The following TLL2 variants were observed in gnomAD, a reference collection of about 807,000 sequenced individuals.
TLL2 encodes the protein tolloid-like protein 2.
A neutral mutation model predicts 123.0 loss-of-function variants in TLL2; 106 were observed. The observed-to-expected ratio is 0.86, with a 90% CI of 0.74 to 1.01. The LOEUF (loss-of-function observed/expected upper bound fraction) is 1.01. Among genes scored for constraint, TLL2 ranks in the 50% least tolerant of loss-of-function variants. The probability of loss-of-function intolerance (pLI) is 0.00; values close to 1 mark genes in which losing one functional copy is unlikely to be tolerated. For missense variants in TLL2, 1,332 were observed against 1,336.7 expected (o/e 1.00, Z 0.06); for synonymous variants, 494 against 516.8 (o/e 0.96, Z 0.60).
intron 8 of TLL2, among the ~76,000 whole-genome samples, chr10:96,410,897 T>C (rs1184959159): frequency 6.6e-6 from 1 of 152,162 alleles, no homozygotes; most frequent in Non-Finnish European, 1.5e-5. Context: ...GCTTCATATA[T>C]AATGCCATTA....
At chr10:96,396,166 C>G (rs1282379376) in intron 11 of TLL2, 146 bp from the exon 12 acceptor site, 2 of 913,132 alleles carry the variant, frequency 2.2e-6, no homozygotes, top group Non-Finnish European at 3.2e-6. Flanking sequence ...CCACAAACAC[C>G]GCGCCTCCAG....
Position 96,410,315 on chromosome 10 carries a change from C to T in TLL2, c.1164+44G>A, listed in dbSNP as rs201148551. The stretch of plus-strand genomic sequence containing the variant: ...TAAGAACTCCTCCCACCTCACCCAA[C>T]TCAAGGAGTGCCGTCCCATTTGCCA... On this transcript the variant is annotated intron_variant, in intron 9 of 20. Transcript: ENST00000357947. 9.3e-5 allele frequency: 137 copies of T among 1,479,302 alleles called. 1 individual carries two copies. The East Asian group carries it at 2.9e-3, about 31-fold the overall frequency. The allele number at this position is 1,479,302 out of a possible 1,614,324, so 91.6% of individuals were successfully genotyped here. A position where few individuals can be genotyped will look rare whatever the true frequency, so the allele number is the denominator to read the frequency against.
At chr10:96,448,787 G>A (rs1316860) in intron 2 of TLL2, among the ~76,000 whole-genome samples, 51,077 of 151,868 alleles carry the variant, frequency 0.34, 9,005 homozygotes, top group East Asian at 0.63. Context: ...AGGTGGGTAC[G>A]ACTGGAATGG....
intron 16 of TLL2, among the ~76,000 whole-genome samples, chr10:96,379,411 A>G (rs1846166416): frequency 6.6e-6 from 1 of 152,228 alleles, no homozygotes; most frequent in South Asian, 2.1e-4. Flanking sequence ...AATAACAGTA[A>G]TTCCCACTTA....
Position 96,395,958 on chromosome 10 carries a change from C to T in TLL2, c.1447G>A (p.Asp483Asn), listed in dbSNP as rs1846335648. 2 of 1,614,214 alleles carry T rather than the reference C, an allele frequency of 1.2e-6. No individual in the cohort carries two copies. Among genetic ancestry groups the T allele is most frequent in the African/African-American group, 1.3e-5 (1 of 75,052 alleles). The change falls in exon 12 of 21, where the codon GAC (aspartate) becomes AAC (asparagine). Residue 483 changes from aspartate (D) to asparagine (N), a missense_variant. Asp to Asn is a conservative substitution (Grantham distance 23). Coordinates refer to ENST00000357947, the MANE Select transcript of TLL2 (RefSeq NM_012465.4). ...GQIQSPNYPD[D>N]YRPSKECVWR... ...ACACATTCCTTGGAAGGTCTGTAGT[C>T]ATCCGGATAGTTGGGAGATTGAATC...
intron 19 of TLL2, 110 bp from the exon 20 acceptor site, chr10:96,370,425 G>A: frequency 1.4e-6 from 2 of 1,399,760 alleles, no homozygotes; most frequent in Middle Eastern, 1.9e-4. Context: ...GGCAGGAGAG[G>A]CCAGGTAGTC....
At chr10:96,429,765 T>C (rs1846718947) in intron 4 of TLL2, among the ~76,000 whole-genome samples, 1 of 152,208 alleles carries the variant, frequency 6.6e-6, no homozygotes, top group South Asian at 2.1e-4. Context: ...TTTCAGTGTC[T>C]TGTGGGGAAT....
At chr10:96,372,623 C>T (rs1041183966) in intron 19 of TLL2, among the ~76,000 whole-genome samples, 15 of 152,282 alleles carry the variant, frequency 9.9e-5, no homozygotes, top group South Asian at 2.1e-4. Context: ...GAAAAAATCA[C>T]GGGGAACAGA....
chr10:96,454,484 C>T (rs1481810181), intron 2 of TLL2, among the ~76,000 whole-genome samples: 1 of 152,216 alleles, frequency 6.6e-6, no homozygotes, highest in Non-Finnish European at 1.5e-5. Context: ...TCCCTGTTCT[C>T]TGGTTGTTGG....
chr10:96,370,330 A>ATTCT lies in TLL2; in HGVS notation c.2663-16_2663-15insAGAA, dbSNP rs781029424. The ATTCT allele has an allele frequency of 1.1e-5, 17 of 1,548,482 alleles. No individual in the cohort carries two copies. The East Asian group carries it at 3.9e-4, about 36-fold the overall frequency. ...GCCCCCGCACTCTGGAGCAGAGAGA[A>ATTCT]GTGAGATGTCCCCTCAGCACAAGAC... is the stretch of plus-strand genomic sequence containing the variant. On this transcript the variant is annotated splice_polypyrimidine_tract_variant and intron_variant, in intron 19 of 20. Coordinates refer to ENST00000357947, the MANE Select transcript of TLL2 (RefSeq NM_012465.4).
chr10:96,481,243 C>T (rs754104338), intron 1 of TLL2, among the ~76,000 whole-genome samples: 1 of 152,080 alleles, frequency 6.6e-6, no homozygotes, highest in Admixed American at 6.5e-5. Context: ...AAAGCCTGGG[C>T]TCAAGCAATC....
At chr10:96,415,739 G>GTCTCTCTCTCTCTC (rs142401265) in intron 7 of TLL2, among the ~76,000 whole-genome samples, 2 of 28,066 alleles carry the variant, frequency 7.1e-5, no homozygotes, top group East Asian at 1.1e-3. Context: ...GTCTCTCTCT[G>GTCTCTCTCTCTCTC]TCTCTCTCTC....
intron 9 of TLL2, among the ~76,000 whole-genome samples, chr10:96,407,303 A>G (rs1846460616): frequency 6.6e-6 from 1 of 152,038 alleles, no homozygotes. Flanking sequence ...GATTGCCCTG[A>G]TGAACACGAT....
chr10:96,424,069 C>A (rs914146724), intron 5 of TLL2, among the ~76,000 whole-genome samples: 2 of 152,112 alleles, frequency 1.3e-5, no homozygotes, highest in African/African-American at 4.8e-5. Flanking sequence ...AGACAAACAT[C>A]ATATGTTCTC....
At chr10:96,388,774 C>G (rs2134059460) in intron 13 of TLL2, among the ~76,000 whole-genome samples, 1 of 152,294 alleles carries the variant, frequency 6.6e-6, no homozygotes, top group South Asian at 2.1e-4. Flanking sequence ...TGCACAGACT[C>G]CTCATCAACC....
At chr10:96,397,052 G>GC in intron 11 of TLL2, 134 bp downstream of exon 11, 1 of 693,504 alleles carries the variant, frequency 1.4e-6, no homozygotes, top group South Asian at 2.1e-5. Context: ...TCCTCAGCTT[G>GC]CCCCCTGTGG....
intron 1 of TLL2, among the ~76,000 whole-genome samples, chr10:96,496,760 C>T (rs963662729): frequency 6.6e-6 from 1 of 152,178 alleles, no homozygotes. Flanking sequence ...TTGGGCAGGC[C>T]GGCCATATCT....
At chr10:96,441,174 T>A (rs1846847804) in intron 3 of TLL2, among the ~76,000 whole-genome samples, 1 of 152,216 alleles carries the variant, frequency 6.6e-6, no homozygotes. Context: ...GAACCAGGCC[T>A]GAGGCAGCCT....
intron 2 of TLL2, among the ~76,000 whole-genome samples, chr10:96,478,015 G>C (rs1471158639): frequency 3.9e-5 from 6 of 152,228 alleles, no homozygotes; most frequent in Admixed American, 1.3e-4. Context: ...GAAGGGAGAA[G>C]ACAGGCCTCC....
Sources: allele counts gnomAD v4.1 joint callset (sites outside exome capture counted in the v4.1 genomes callset), GRCh38; gene constraint gnomAD v4.1.1; transcripts MANE v1.5; gene names NCBI Gene and HGNC (gene_info 2026-07-23, HGNC 2026-07-21).